Variants in AEBP2 observed in about 807,000 individuals in gnomAD.
The protein encoded by AEBP2 is AE binding protein 2, also known as zinc finger protein AEBP2.
A neutral mutation model predicts 50.8 loss-of-function variants in AEBP2; 10 were observed. The ratio of observed to expected loss-of-function variants is 0.20; its 90% CI spans 0.12 to 0.33. The LOEUF (loss-of-function observed/expected upper bound fraction) is 0.33, where lower values mean the gene tolerates loss of function less well. Among genes scored for constraint, AEBP2 ranks in the 10% least tolerant of loss-of-function variants. The probability of loss-of-function intolerance (pLI) is 1.00; values close to 1 mark genes in which losing one functional copy is unlikely to be tolerated. For synonymous variants in AEBP2, 296 were observed against 261.3 expected (o/e 1.13, Z -1.28); for missense variants, 570 against 688.0 (o/e 0.83, Z 1.92).
In AEBP2 at chr12:19,518,575, A is replaced by G. The variant is rs957630576; in HGVS notation, c.*458A>G. 3 of 1,358,880 alleles carry G rather than the reference A, an allele frequency of 2.2e-6. No individual in the cohort carries two copies. Among genetic ancestry groups the G allele is most frequent in the Non-Finnish European group, 2.9e-6 (3 of 1,035,686 alleles). The allele number at this position is 1,358,880 out of a possible 1,614,324, so 84.2% of individuals were successfully genotyped here. A position where few individuals can be genotyped will look rare whatever the true frequency, so the allele number is the denominator to read the frequency against. ...TGACAGTGTTTATTGATTTGAAGTC[A>G]TATTAGGAAATATTTAGACAATGAA... On this transcript the variant is annotated 3_prime_UTR_variant, in exon 8 of 8. Transcript: ENST00000266508.
At chr12:19,414,923 C>CAAA (rs75855242) in intron 1 of AEBP2, among the ~76,000 whole-genome samples, 1 of 118,308 alleles carries the variant, frequency 8.5e-6, no homozygotes, top group Non-Finnish European at 1.8e-5. Context: ...ATTCTATCTC[C>CAAA]AAAAAAAAAA....
rs925077451 is a variant in AEBP2 at position 19,462,691 on chromosome 12, A to G, written c.853A>G (p.Ile285Val). ...AGATCTGGCAGATCACATCCGTTCC[A>G]TACATGTAGATGGTCAGCGAGGAGG... is the stretch of plus-strand genomic sequence containing the variant. ...SPDLADHIRS[I>V]HVDGQRGGVF... Residue 285 changes from isoleucine (I) to valine (V), a missense_variant, in exon 2 of 8, where the codon ATA (isoleucine) becomes GTA (valine). Ile to Val is a conservative substitution (Grantham distance 29, BLOSUM62 3). Around this residue, in one of 2 missense-constraint regions of AEBP2, gnomAD observed 184 missense variants for 351.2 expected, o/e 0.52. Coordinates refer to ENST00000266508, the MANE Select transcript of AEBP2 (RefSeq NM_153207.5). 1 of 1,610,146 alleles carries G rather than the reference A, an allele frequency of 6.2e-7. No individual in the cohort carries two copies. Among genetic ancestry groups the G allele is most frequent in the Admixed American group, 1.7e-5 (1 of 59,928 alleles).
At chr12:19,468,862 C>T (rs1054092956) in intron 2 of AEBP2, among the ~76,000 whole-genome samples, 4 of 152,196 alleles carry the variant, frequency 2.6e-5, no homozygotes, top group African/African-American at 9.7e-5. Context: ...CCCTGTAACA[C>T]TGAAATTTTA....
chr12:19,457,435 T>A (rs1592732000), intron 1 of AEBP2: 6 of 1,521,094 alleles, frequency 3.9e-6, no homozygotes, highest in Middle Eastern at 2.3e-4. Context: ...GTATTAATGG[T>A]GATACCACGT....
intron 5 of AEBP2, among the ~76,000 whole-genome samples, chr12:19,505,224 G>C (rs1373741476): frequency 1.3e-5 from 2 of 152,086 alleles, no homozygotes; most frequent in African/African-American, 2.4e-5. Context: ...TGATATGGTA[G>C]GTCTGTAATA....
intron 3 of AEBP2, among the ~76,000 whole-genome samples, chr12:19,473,875 A>T (rs1202539055): frequency 6.6e-6 from 1 of 152,150 alleles, no homozygotes; most frequent in East Asian, 1.9e-4. Flanking sequence ...TTTCTATTTG[A>T]AGTACAGGAG....
intron 3 of AEBP2, among the ~76,000 whole-genome samples, chr12:19,490,718 A>T (rs566841708): frequency 6.6e-6 from 1 of 152,286 alleles, no homozygotes; most frequent in South Asian, 2.1e-4. Flanking sequence ...CACCCACCTC[A>T]ACCTCCCAAA....
At chr12:19,487,119 GT>G (rs1042094553) in intron 3 of AEBP2, among the ~76,000 whole-genome samples, 4 of 151,998 alleles carry the variant, frequency 2.6e-5, no homozygotes, top group Non-Finnish European at 4.4e-5. Context: ...TCATTGGGTG[GT>G]TTGTCTTTTA....
At chr12:19,487,915 T>C (rs974656647) in intron 3 of AEBP2, among the ~76,000 whole-genome samples, 6 of 152,128 alleles carry the variant, frequency 3.9e-5, no homozygotes, top group African/African-American at 1.2e-4. Flanking sequence ...AGTTGAGATC[T>C]CATGTTTGTT....
intron 1 of AEBP2, among the ~76,000 whole-genome samples, chr12:19,407,038 AC>A (rs140716098): frequency 5.4e-4 from 82 of 152,204 alleles, no homozygotes; most frequent in African/African-American, 1.9e-3. Context: ...ATGGTGTCTC[AC>A]ACTTGTAATC....
chr12:19,463,121 A>G (rs1208282312), intron 2 of AEBP2, among the ~76,000 whole-genome samples: 1 of 152,142 alleles, frequency 6.6e-6, no homozygotes, highest in Non-Finnish European at 1.5e-5. Flanking sequence ...TGGTACCAGG[A>G]TTAGTGTATG....
chr12:19,439,962 A>C lies in AEBP2; in HGVS notation c.263A>C (p.Glu88Ala). 1.3e-6 allele frequency: 2 copies of C among 1,519,826 alleles called. No homozygotes were observed. The highest frequency in any genetic ancestry group is 1.8e-6 in the Non-Finnish European group (2 of 1,140,622). The allele number at this position is 1,519,826 out of a possible 1,614,324, so 94.1% of individuals were successfully genotyped here. Residue 88 changes from glutamate (E) to alanine (A), a missense_variant, in exon 1 of 8, where the codon GAG becomes GCG. This residue lies in a region of AEBP2 where 386 missense variants were observed against 336.8 expected (regional missense o/e 1.15). Transcript: ENST00000266508. ...GAGACGATGTCGGAGCCGAGCCCCG[A>C]GAGCGCCAGCCAGGCCGGGGAGGAC... ...EAETMSEPSP[E>A]SASQAGEDED...
intron 1 of AEBP2, among the ~76,000 whole-genome samples, chr12:19,416,113 T>G (rs2095742457): frequency 6.6e-6 from 1 of 152,160 alleles, no homozygotes; most frequent in Non-Finnish European, 1.5e-5. Context: ...ATCTGAGAGG[T>G]CAAGGCCACA....
intron 3 of AEBP2, among the ~76,000 whole-genome samples, chr12:19,474,297 A>G (rs993579276): frequency 2.0e-5 from 3 of 152,252 alleles, no homozygotes; most frequent in Admixed American, 6.5e-5. Context: ...AAAGGAGTTT[A>G]ATAGTTGTTA....
At chr12:19,477,396 G>A (rs981262970) in intron 3 of AEBP2, among the ~76,000 whole-genome samples, 1 of 152,134 alleles carries the variant, frequency 6.6e-6, no homozygotes, top group Non-Finnish European at 1.5e-5. Context: ...CACGGGGAAT[G>A]CTTTCAACTT....
chr12:19,423,653 A>T (rs2153364624), intron 1 of AEBP2, among the ~76,000 whole-genome samples: 1 of 152,312 alleles, frequency 6.6e-6, no homozygotes, highest in South Asian at 2.1e-4. Context: ...CAGCTGCTGA[A>T]GGGCCACATA....
intron 1 of AEBP2, among the ~76,000 whole-genome samples, chr12:19,404,962 T>G (rs938379287): frequency 7.7e-5 from 10 of 129,430 alleles, no homozygotes; most frequent in South Asian, 2.5e-4. Flanking sequence ...TCAGACAAGG[T>G]CTCACTGTGT....
At chr12:19,430,066 A>T (rs1440563635) in intron 1 of AEBP2, among the ~76,000 whole-genome samples, 1 of 152,022 alleles carries the variant, frequency 6.6e-6, no homozygotes, top group Non-Finnish European at 1.5e-5. Context: ...CTATGTCCTG[A>T]ATGGTATTGC....
chr12:19,517,648 GTATT>G (rs1312864010), intron 7 of AEBP2, among the ~76,000 whole-genome samples: 3 of 152,168 alleles, frequency 2.0e-5, no homozygotes, highest in Non-Finnish European at 4.4e-5. Context: ...AGAGACAACT[GTATT>G]TATTTGGGAT....
Sources: gnomAD v4.1 joint callset for allele counts (sites outside exome capture counted in the v4.1 genomes callset) on GRCh38, gnomAD v4.1.1 for gene constraint, gnomAD v4.1.1 regional missense constraint, MANE v1.5 for transcripts, NCBI Gene and HGNC (gene_info 2026-07-23, HGNC 2026-07-21) for gene names.